EPB41L2: variants seen among roughly 807,000 people sequenced by gnomAD.
The protein encoded by EPB41L2 is erythrocyte membrane protein band 4.1 like 2.
In EPB41L2, 43 loss-of-function variants were observed where a neutral mutation model predicts 113.0. That is an observed-to-expected ratio of 0.38 (90% CI 0.30 to 0.49). EPB41L2 has a LOEUF of 0.49. Among genes scored for constraint, EPB41L2 ranks in the 20% least tolerant of loss-of-function variants. EPB41L2 has a pLI of 0.95. For missense variants in EPB41L2, 1,147 were observed against 1,223.4 expected, an observed-to-expected ratio of 0.94 and a Z score of 0.93; for synonymous variants, 442 against 436.7, an observed-to-expected ratio of 1.01 and a Z score of -0.15.
chr6:130,907,802 G>A (rs1798167889), intron 5 of EPB41L2, among the ~76,000 whole-genome samples: 1 of 152,082 alleles, frequency 6.6e-6, no homozygotes, highest in African/African-American at 2.4e-5. Context: ...GGGCAAGAAG[G>A]GAAAGGACAG....
At chr6:130,925,845 T>G (rs909393061) in intron 4 of EPB41L2, among the ~76,000 whole-genome samples, 10 of 152,242 alleles carry the variant, frequency 6.6e-5, no homozygotes, top group African/African-American at 2.4e-4. Context: ...CAGGCAGGCA[T>G]GTAATTTAAC....
intron 19 of EPB41L2, among the ~76,000 whole-genome samples, chr6:130,840,818 A>G (rs968033607): frequency 6.6e-6 from 1 of 152,220 alleles, no homozygotes; most frequent in Non-Finnish European, 1.5e-5. Flanking sequence ...CAAGTACGCT[A>G]GAAGCAACTG....
intron 1 of EPB41L2, among the ~76,000 whole-genome samples, chr6:130,972,748 T>C (rs1227312039): frequency 6.6e-6 from 1 of 151,976 alleles, no homozygotes; most frequent in Non-Finnish European, 1.5e-5. Flanking sequence ...GCTTTAGATA[T>C]TTATTAACAG....
intron 1 of EPB41L2, among the ~76,000 whole-genome samples, chr6:131,032,184 C>A (rs1178481960): frequency 6.6e-6 from 1 of 151,926 alleles, no homozygotes; most frequent in Non-Finnish European, 1.5e-5. Flanking sequence ...ACAGCCCTAG[C>A]CAGCACAATA....
chr6:130,850,594 C>T (rs868575454), intron 19 of EPB41L2, among the ~76,000 whole-genome samples: 1 of 152,068 alleles, frequency 6.6e-6, no homozygotes, highest in African/African-American at 2.4e-5. Flanking sequence ...TTTATAAGTA[C>T]ACACATACAC....
At chr6:130,927,237 T>C (rs1319829736) in intron 3 of EPB41L2, among the ~76,000 whole-genome samples, 6 of 152,194 alleles carry the variant, frequency 3.9e-5, no homozygotes, top group Non-Finnish European at 8.8e-5. Flanking sequence ...GAAAATGATA[T>C]GGTGTTCGCT....
intron 3 of EPB41L2, among the ~76,000 whole-genome samples, chr6:130,954,810 T>C (rs551240539): frequency 1.9e-4 from 29 of 152,368 alleles, no homozygotes; most frequent in African/African-American, 6.7e-4. Context: ...TGCTATCATT[T>C]TTCCTCAAGA....
intron 14 of EPB41L2, among the ~76,000 whole-genome samples, chr6:130,876,344 A>C (rs1031930684): frequency 3.9e-5 from 6 of 152,254 alleles, no homozygotes; most frequent in Non-Finnish European, 5.9e-5. Flanking sequence ...CACGACATGC[A>C]TAAGTATTGT....
At chr6:131,019,445 A>G (rs952295237) in intron 1 of EPB41L2, among the ~76,000 whole-genome samples, 11 of 152,178 alleles carry the variant, frequency 7.2e-5, no homozygotes, top group Non-Finnish European at 1.3e-4. Context: ...AATTTCAACA[A>G]CTATATAAAT....
intron 1 of EPB41L2, among the ~76,000 whole-genome samples, chr6:130,971,467 C>G (rs185134229): frequency 6.6e-6 from 1 of 152,180 alleles, no homozygotes; most frequent in Admixed American, 6.5e-5. Context: ...ACTTTTATTA[C>G]GTAGAATAAG....
Position 130,899,552 on chromosome 6 carries a change from G to A in EPB41L2, c.1175C>T (p.Ser392Phe), listed in dbSNP as rs766452629. 5.6e-6 allele frequency: 9 copies of A among 1,613,786 alleles called. No homozygotes were observed. The highest frequency in any genetic ancestry group is 1.6e-4 in the Middle Eastern group (1 of 6,084). ...HRGLSPAQAD[S>F]QFLENAKRLS... ...CCTCTTTGCATTTTCTAAGAACTGGGAATCAGCTTGTGCTGGCGATAAGCC... is the reference window on the plus strand; with the variant it reads ...CCTCTTTGCATTTTCTAAGAACTGGAAATCAGCTTGTGCTGGCGATAAGCC... Residue 392 changes from serine (S) to phenylalanine (F), a missense_variant, in exon 8 of 20, where the codon TCC (serine) becomes TTC (phenylalanine). Physicochemically the swap from Ser to Phe is radical, Grantham distance 155. Transcript: ENST00000337057.
intron 3 of EPB41L2, among the ~76,000 whole-genome samples, chr6:130,934,751 C>T (rs1583616564): frequency 6.6e-6 from 1 of 151,294 alleles, no homozygotes; most frequent in Non-Finnish European, 1.5e-5. Flanking sequence ...AAAGTGCTGG[C>T]ATTACAGGTG....
intron 1 of EPB41L2, among the ~76,000 whole-genome samples, chr6:130,990,971 C>G (rs1191491719): frequency 6.6e-6 from 1 of 151,422 alleles, no homozygotes; most frequent in Non-Finnish European, 1.5e-5. Flanking sequence ...GGACTACAGG[C>G]GCATGCCACC....
intron 17 of EPB41L2, among the ~76,000 whole-genome samples, chr6:130,864,455 T>C (rs748020111): frequency 6.6e-6 from 1 of 152,186 alleles, no homozygotes; most frequent in Non-Finnish European, 1.5e-5. Flanking sequence ...CGAGCGGGGC[T>C]GGAGGAGGGA....
At chr6:130,934,420 T>C (rs1397128502) in intron 3 of EPB41L2, among the ~76,000 whole-genome samples, 2 of 152,174 alleles carry the variant, frequency 1.3e-5, no homozygotes, top group Non-Finnish European at 2.9e-5. Context: ...TTATATATAA[T>C]ATACAAACAT....
chr6:131,054,861 A>G (rs114522857), intron 1 of EPB41L2, among the ~76,000 whole-genome samples: 7,439 of 152,262 alleles, frequency 0.049, 312 homozygotes, highest in African/African-American at 0.11. Context: ...GAGCAGGGAG[A>G]AGGAGGTAAG....
intron 1 of EPB41L2, among the ~76,000 whole-genome samples, chr6:130,984,127 C>T (rs534035704): frequency 6.6e-6 from 1 of 152,276 alleles, no homozygotes; most frequent in African/African-American, 2.4e-5. Context: ...ATCACTATCA[C>T]TGTCTTCCAC....
chr6:131,054,256 T>C (rs1797186607), intron 1 of EPB41L2, among the ~76,000 whole-genome samples: 1 of 152,148 alleles, frequency 6.6e-6, no homozygotes, highest in South Asian at 2.1e-4. Context: ...GGGTTTCTCA[T>C]TTGTCTGGTT....
rs779252444 is a variant in EPB41L2, at chr6:130,867,455, G to C, written c.2730+4C>G. 5 of 1,613,752 alleles carry C rather than the reference G, an allele frequency of 3.1e-6. No individual in the cohort carries two copies. Among genetic ancestry groups the C allele is most frequent in the Admixed American group, 3.3e-5 (2 of 59,988 alleles). On this transcript the variant is annotated splice_donor_region_variant and intron_variant, in intron 16 of 19. Coordinates refer to ENST00000337057, the MANE Select transcript of EPB41L2 (RefSeq NM_001431.4). ...CGAACAGTCCAAGTCTAGAGCTTTT[G>C]TACCTGTGGAGACTCATATGTGATG...
Sources: allele counts gnomAD v4.1 joint callset (sites outside exome capture counted in the v4.1 genomes callset), GRCh38; gene constraint gnomAD v4.1.1; transcripts MANE v1.5; gene names NCBI Gene and HGNC (gene_info 2026-07-23, HGNC 2026-07-21).